The following INSYN2B variants were observed in gnomAD, a reference collection of about 807,000 sequenced individuals.
INSYN2B encodes inhibitory synaptic factor family member 2B.
In INSYN2B, 16 loss-of-function variants were observed where a neutral mutation model predicts 41.2. The ratio of observed to expected loss-of-function variants is 0.39; its 90% CI spans 0.26 to 0.59. The LOEUF is 0.59. Among genes scored for constraint, INSYN2B ranks in the 20% least tolerant of loss-of-function variants. The pLI is 0.57. For missense variants in INSYN2B, 608 were observed against 646.4 expected, an observed-to-expected ratio of 0.94 and a Z score of 0.64; for synonymous variants, 245 against 244.4, an observed-to-expected ratio of 1.00 and a Z score of -0.02.
Position 169,882,935 on chromosome 5 carries a change from G to GGGCT in INSYN2B, c.960_963dup (p.His322SerfsTer14), listed in dbSNP as rs1205685541. ...GGACAGTCTGAGGCTCTTCCTGGGT[G>GGGCT]GGCTGGCTGGCTGTGGGAGCCTTGT... On this transcript the variant is annotated frameshift_variant, in exon 2 of 4. Transcript: ENST00000377365. LOFTEE classifies it high-confidence loss of function. The GGGCT allele has an allele frequency of 1.3e-6, 2 of 1,551,818 alleles. No individual in the cohort carries two copies. Among genetic ancestry groups the GGGCT allele is most frequent in the Non-Finnish European group, 1.7e-6 (2 of 1,146,988 alleles).
In INSYN2B at chr5:169,898,765, T is replaced by C. The variant is rs961721310; in HGVS notation, c.-918-13949A>G. ...AGCCTGAAAGCACACATGGGCAATA[T>C]GTAAATGAACAAGCATAGTGATATT... On this transcript the variant is annotated intron_variant, in intron 1 of 3. Coordinates refer to ENST00000377365, the MANE Select transcript of INSYN2B (RefSeq NM_001129891.3). Among the ~76,000 whole-genome samples the C allele has an allele frequency of 2.0e-5, 3 of 152,170 alleles. No homozygotes were observed. In the South Asian group the frequency reaches 6.2e-4, roughly 32 times the overall value.
intron 1 of INSYN2B, among the ~76,000 whole-genome samples, chr5:169,953,177 G>T (rs1776733369): frequency 6.6e-6 from 1 of 151,844 alleles, no homozygotes; most frequent in Admixed American, 6.6e-5. Context: ...CAAAAAATTA[G>T]CTGGGTGTGG....
intron 1 of INSYN2B, chr5:169,935,009 C>T: frequency 3.9e-6 from 1 of 257,470 alleles, no homozygotes; most frequent in Non-Finnish European, 7.7e-6. Flanking sequence ...CTGACTGCAG[C>T]CATCTAAGAT....
intron 1 of INSYN2B, among the ~76,000 whole-genome samples, chr5:169,902,124 A>T (rs930815545): frequency 1.1e-4 from 16 of 152,228 alleles, no homozygotes; most frequent in African/African-American, 3.6e-4. Flanking sequence ...GGTTAATGCC[A>T]TCTATCAGAA....
chr5:169,895,955 C>T (rs1461454651), intron 1 of INSYN2B, among the ~76,000 whole-genome samples: 1 of 152,202 alleles, frequency 6.6e-6, no homozygotes, highest in Admixed American at 6.5e-5. Context: ...ATTACCACTA[C>T]CCTTGTCTTG....
intron 1 of INSYN2B, chr5:169,934,556 C>A: frequency 2.2e-6 from 1 of 445,134 alleles, no homozygotes; most frequent in South Asian, 1.6e-5. Context: ...GCTACATTCA[C>A]ACACACCTGG....
chr5:169,964,222 G>C (rs1366299867), intron 1 of INSYN2B, among the ~76,000 whole-genome samples: 1 of 152,100 alleles, frequency 6.6e-6, no homozygotes, highest in Non-Finnish European at 1.5e-5. Flanking sequence ...CTTTATCCTC[G>C]GTGACCACAG....
rs772095719 is a variant in INSYN2B at position 169,948,613 on chromosome 5, A to ATTTTTTTTTTTTTTTTTTT, written c.-919+31663_-919+31664insAAAAAAAAAAAAAAAAAAA. On this transcript the variant is annotated intron_variant, in intron 1 of 3. Transcript: ENST00000377365. ...TTCTTATTCCTTCCTTCCACAATTA[A>ATTTTTTTTTTTTTTTTTTT]TTTTTTTTTTTTTTTTTAGAGACAG... Among the ~76,000 whole-genome samples the ATTTTTTTTTTTTTTTTTTT allele has an allele frequency of 6.6e-5, 9 of 135,948 alleles. 1 individual carries two copies. The South Asian group carries it at 2.0e-3, about 30-fold the overall frequency. 89.2% of individuals were successfully genotyped at this position (135,948 alleles called of 152,430 possible). A position where few individuals can be genotyped will look rare whatever the true frequency, so the allele number is the denominator to read the frequency against.
chr5:169,972,542 CAGATAGATAGATAGATAGAT>C (rs143089504), intron 1 of INSYN2B, among the ~76,000 whole-genome samples: 1 of 141,330 alleles, frequency 7.1e-6, no homozygotes, highest in Non-Finnish European at 1.5e-5. Context: ...CACTGTGAGA[CAGATAGATAGATAGATAGAT>C]AGATAGATAG....
At chr5:169,904,872 G>T (rs1379722159) in intron 1 of INSYN2B, among the ~76,000 whole-genome samples, 3 of 152,150 alleles carry the variant, frequency 2.0e-5, no homozygotes, top group Non-Finnish European at 4.4e-5. Context: ...CACCTTCACT[G>T]CTCCACGGCT....
chr5:169,962,195 G>A (rs1777116353), intron 1 of INSYN2B, among the ~76,000 whole-genome samples: 1 of 152,046 alleles, frequency 6.6e-6, no homozygotes, highest in Non-Finnish European at 1.5e-5. Context: ...AGGGGAGGGA[G>A]CAAGATTGGA....
intron 1 of INSYN2B, among the ~76,000 whole-genome samples, chr5:169,903,660 A>G (rs2113591512): frequency 6.6e-6 from 1 of 152,272 alleles, no homozygotes; most frequent in Non-Finnish European, 1.5e-5. Context: ...TGGAACTGAT[A>G]GAAGTTCAGA....
chr5:169,972,220 A>G lies in INSYN2B; in HGVS notation c.-919+8057T>C, dbSNP rs74598734. Among the ~76,000 whole-genome samples, 9 of 152,284 alleles carry G rather than the reference A, an allele frequency of 5.9e-5. No homozygotes were observed. The East Asian group carries it at 1.7e-3, about 29-fold the overall frequency. On this transcript the variant is annotated intron_variant, in intron 1 of 3. Transcript: ENST00000377365. ...TATGAAATTTTCCCTGAATATTTCT[A>G]CCCTCATAGATTGTTCCTGCTTATT...
intron 1 of INSYN2B, among the ~76,000 whole-genome samples, chr5:169,952,464 G>A (rs368723519): frequency 7.9e-5 from 12 of 152,068 alleles, no homozygotes; most frequent in South Asian, 4.2e-4. Context: ...GATTTTTGCC[G>A]CTGGTCTTAT....
Position 169,974,648 on chromosome 5 carries a change from T to C in INSYN2B, c.-919+5629A>G, listed in dbSNP as rs528924795. ...CTTAGGATCCTTATCCAGAGCTCCA[T>C]ACCCTAGCAATGCTCCTGGTTTTGA... On this transcript the variant is annotated intron_variant, in intron 1 of 3. Transcript: ENST00000377365. Among the ~76,000 whole-genome samples the C allele has an allele frequency of 3.3e-5, 5 of 152,266 alleles. No homozygotes were observed. The South Asian group carries it at 8.3e-4, about 25-fold the overall frequency.
intron 1 of INSYN2B, among the ~76,000 whole-genome samples, chr5:169,963,844 C>T (rs1258253748): frequency 1.3e-5 from 2 of 152,136 alleles, no homozygotes; most frequent in Non-Finnish European, 2.9e-5. Flanking sequence ...GCTGGTTGAA[C>T]ATAGACCGCT....
Position 169,882,979 on chromosome 5 carries a change from C to G in INSYN2B, c.920G>C (p.Arg307Pro). The G allele has an allele frequency of 6.4e-7, 1 of 1,551,480 alleles. No individual in the cohort carries two copies. The highest frequency in any genetic ancestry group is 8.7e-7 in the Non-Finnish European group (1 of 1,146,866). Residue 307 changes from arginine (R) to proline (P), a missense_variant, in exon 2 of 4, where the codon CGG (arginine) becomes CCG (proline). Transcript: ENST00000377365. Reference sequence around the variant, plus strand: ...GCCTTGTGAGGGGGAACTGTGAGTCCGTGGAGATGAAGGAACACACGTTTC... The same window carrying G: ...GCCTTGTGAGGGGGAACTGTGAGTCGGTGGAGATGAAGGAACACACGTTTC... ...SKETCVPSSP[R>P]THSSPSQGSH...
chr5:169,964,645 T>A (rs1271395285), intron 1 of INSYN2B, among the ~76,000 whole-genome samples: 1 of 152,224 alleles, frequency 6.6e-6, no homozygotes, highest in Non-Finnish European at 1.5e-5. Flanking sequence ...AGTCAGCCCT[T>A]CTGCCTCATC....
intron 1 of INSYN2B, among the ~76,000 whole-genome samples, chr5:169,959,159 G>A (rs1378633116): frequency 3.9e-5 from 6 of 152,132 alleles, no homozygotes; most frequent in East Asian, 1.9e-4. Context: ...TTGGGAGGCC[G>A]AGGGGGGCGG....
Sources: gnomAD v4.1 joint callset for allele counts (sites outside exome capture counted in the v4.1 genomes callset) on GRCh38, gnomAD v4.1.1 for gene constraint, MANE v1.5 for transcripts, NCBI Gene and HGNC (gene_info 2026-07-23, HGNC 2026-07-21) for gene names.